The following AVEN variants were observed in gnomAD, a reference collection of about 807,000 sequenced individuals.
AVEN encodes the protein apoptosis and caspase activation inhibitor, also known as cell death regulator Aven.
In AVEN, 41 loss-of-function variants were observed where a neutral mutation model predicts 38.1. The observed-to-expected ratio is 1.08, with a 90% CI of 0.84 to 1.40. The LOEUF (loss-of-function observed/expected upper bound fraction) is 1.40, where lower values mean the gene tolerates loss of function less well. Among genes scored for constraint, AVEN ranks in the 40% most tolerant of loss-of-function variants. The pLI, the probability that AVEN is intolerant of heterozygous loss-of-function variation, is 0.00. For missense variants in AVEN, 605 were observed against 438.8 expected, an observed-to-expected ratio of 1.38 and a Z score of -3.38; for synonymous variants, 206 against 171.8, an observed-to-expected ratio of 1.20 and a Z score of -1.56.
At chr15:33,886,974 G>A (rs528601496) in intron 2 of AVEN, among the ~76,000 whole-genome samples, 2 of 152,256 alleles carry the variant, frequency 1.3e-5, no homozygotes, top group South Asian at 4.1e-4. Context: ...TGAAGAAAAG[G>A]GGGCAGAAGG....
At chr15:33,967,416 A>C (rs1426306024) in intron 2 of AVEN, among the ~76,000 whole-genome samples, 1 of 152,100 alleles carries the variant, frequency 6.6e-6, no homozygotes, top group African/African-American at 2.4e-5. Flanking sequence ...GGTCATGTGA[A>C]AAAGTGTCCA....
chr15:34,004,041 G>A (rs1475404076), intron 1 of AVEN, among the ~76,000 whole-genome samples: 1 of 152,142 alleles, frequency 6.6e-6, no homozygotes, highest in Non-Finnish European at 1.5e-5. Flanking sequence ...CACTCTCCAG[G>A]CTCAATTTCT....
intron 2 of AVEN, among the ~76,000 whole-genome samples, chr15:33,974,801 C>A (rs1389953782): frequency 6.6e-6 from 1 of 152,080 alleles, no homozygotes; most frequent in Non-Finnish European, 1.5e-5. Flanking sequence ...GTTGAAACCC[C>A]GTTTCTAATA....
At chr15:33,869,489 C>A (rs1394875590) in intron 4 of AVEN, among the ~76,000 whole-genome samples, 1 of 152,144 alleles carries the variant, frequency 6.6e-6, no homozygotes, top group Non-Finnish European at 1.5e-5. Context: ...TGAGATCAAG[C>A]CAAGCACTTC....
intron 2 of AVEN, among the ~76,000 whole-genome samples, chr15:33,933,573 A>AGAGAGAGAGG (rs1893954950): frequency 7.7e-6 from 1 of 129,304 alleles, no homozygotes; most frequent in South Asian, 2.5e-4. Context: ...AGAGAGAGAG[A>AGAGAGAGAGG]GAGAGAGAAC....
At chr15:33,856,647 G>GTTT (rs60494844), downstream of AVEN, 94,819 of 153,850 alleles carry the variant, frequency 0.62, 29,408 homozygotes, top group Admixed American at 0.66. Flanking sequence ...GAACCTTTGG[G>GTTT]TTTTTTGTTT....
At chr15:34,069,631 G>A (rs1900590747) in intron 2 of AVEN, among the ~76,000 whole-genome samples, 1 of 152,050 alleles carries the variant, frequency 6.6e-6, no homozygotes, top group African/African-American at 2.4e-5. Flanking sequence ...AATATTGATC[G>A]ATGTTTTAAG....
chr15:33,904,727 ACGAATATGCACGCTTG>A (rs1892630378), intron 2 of AVEN, among the ~76,000 whole-genome samples: 1 of 131,980 alleles, frequency 7.6e-6, no homozygotes, highest in African/African-American at 2.7e-5. Context: ...ACACACACAC[ACGAATATGCACGCTTG>A]CACACACATG....
intron 5 of AVEN, among the ~76,000 whole-genome samples, chr15:34,060,764 G>A (rs1215405115): frequency 6.6e-6 from 1 of 152,196 alleles, no homozygotes; most frequent in Admixed American, 6.5e-5. Flanking sequence ...CAGCTACTCA[G>A]GAGGCTGAGG....
At chr15:33,869,417 G>C (rs1283250048) in intron 4 of AVEN, among the ~76,000 whole-genome samples, 3 of 152,124 alleles carry the variant, frequency 2.0e-5, no homozygotes, top group Non-Finnish European at 4.4e-5. Context: ...TCTCTGTCCT[G>C]AGTCCTGAAT....
chr15:33,981,445 A>C (rs1346454923), intron 2 of AVEN, among the ~76,000 whole-genome samples: 2 of 152,168 alleles, frequency 1.3e-5, no homozygotes, highest in African/African-American at 4.8e-5. Context: ...AAACATAACC[A>C]AGTTTTTTTA....
chr15:33,963,072 A>C (rs916798632), intron 2 of AVEN, among the ~76,000 whole-genome samples: 1 of 152,216 alleles, frequency 6.6e-6, no homozygotes, highest in Non-Finnish European at 1.5e-5. Flanking sequence ...CTATATGAGA[A>C]GGAAAAAGAG....
chr15:33,938,341 G>A (rs984772516), intron 2 of AVEN, among the ~76,000 whole-genome samples: 6 of 152,116 alleles, frequency 3.9e-5, no homozygotes, highest in Non-Finnish European at 8.8e-5. Context: ...TGTAGTACCA[G>A]CTACTAGGGA....
In AVEN at chr15:33,984,388, A is replaced by G. The variant is rs2140538654; in HGVS notation, c.445+18644T>C. ...AACTCAGTCACTTTCCTCACCTGTT[A>G]GAATAGATTGATGGTAGGGTTTTTT... On this transcript the variant is annotated intron_variant, in intron 2 of 5. Coordinates refer to ENST00000306730, the MANE Select transcript of AVEN (RefSeq NM_020371.3). 2.7e-5 allele frequency among the ~76,000 whole-genome samples: 4 copies of G among 148,330 alleles called. No homozygotes were observed. The South Asian group carries it at 9.0e-4, about 33-fold the overall frequency.
At chr15:33,904,682 TAAAAAA>T (rs77784482) in intron 2 of AVEN, among the ~76,000 whole-genome samples, 7,978 of 133,624 alleles carry the variant, frequency 0.06, 280 homozygotes, top group African/African-American at 0.061. Flanking sequence ...ACTGTTTCTT[TAAAAAA>T]AAAAAAATAT....
intron 3 of AVEN, among the ~76,000 whole-genome samples, chr15:33,872,542 T>C (rs1891018274): frequency 6.6e-6 from 1 of 151,972 alleles, no homozygotes; most frequent in Non-Finnish European, 1.5e-5. Context: ...CTGAACTCTC[T>C]GGGTGGCGTG....
intron 1 of AVEN, among the ~76,000 whole-genome samples, chr15:34,026,269 T>C (rs561541856): frequency 2.6e-5 from 4 of 152,314 alleles, no homozygotes; most frequent in East Asian, 3.9e-4. Context: ...TGGTTATTTC[T>C]GGATGATGAT....
chr15:33,912,883 G>T (rs1370435885), intron 2 of AVEN, among the ~76,000 whole-genome samples: 2 of 122,502 alleles, frequency 1.6e-5, no homozygotes, highest in African/African-American at 6.1e-5. Flanking sequence ...CATGTAAAAG[G>T]CATAATTTTT....
At chr15:33,965,945 A>T (rs1895365408) in intron 2 of AVEN, among the ~76,000 whole-genome samples, 2 of 152,102 alleles carry the variant, frequency 1.3e-5, no homozygotes, top group Admixed American at 6.6e-5. Flanking sequence ...AAAAAGAACA[A>T]CATCAGGAAT....
Sources: allele counts gnomAD v4.1 joint callset (sites outside exome capture counted in the v4.1 genomes callset), GRCh38; gene constraint gnomAD v4.1.1; transcripts MANE v1.5; gene names NCBI Gene and HGNC (gene_info 2026-07-23, HGNC 2026-07-21).